VGLL4: variants seen among roughly 807,000 people sequenced by gnomAD.
VGLL4 encodes the protein transcription cofactor vestigial-like protein 4.
A neutral mutation model predicts 21.0 loss-of-function variants in VGLL4; 7 were observed. The ratio of observed to expected loss-of-function variants is 0.33; its 90% CI spans 0.19 to 0.63. VGLL4 has a LOEUF of 0.63. Among genes scored for constraint, VGLL4 ranks in the 20% least tolerant of loss-of-function variants. The pLI is 0.78. For synonymous variants in VGLL4, 222 were observed against 173.2 expected, an observed-to-expected ratio of 1.28 and a Z score of -2.21; for missense variants, 394 against 425.7, an observed-to-expected ratio of 0.93 and a Z score of 0.66.
intron 1 of VGLL4, among the ~76,000 whole-genome samples, chr3:11,614,472 G>A (rs1166152801): frequency 6.6e-6 from 1 of 152,242 alleles, no homozygotes; most frequent in Non-Finnish European, 1.5e-5. Context: ...CATACAGAGT[G>A]CTGAAGGAAG....
chr3:11,649,893 CTATTTGGTTT>C lies in VGLL4; in HGVS notation c.65-47881_65-47872del. Among the ~76,000 whole-genome samples the C allele has an allele frequency of 2.7e-5, 4 of 145,588 alleles. No individual in the cohort carries two copies. In the South Asian group the frequency reaches 9.3e-4, roughly 34 times the overall value. On this transcript the variant is annotated intron_variant, in intron 2 of 5. Transcript: ENST00000273038. ...AACTCCCCCACAGCACACAAGTGCT[CTATTTGGTTT>C]GGTTTGGTTTGGTTTGGTTTGGTTT...
intron 1 of VGLL4, among the ~76,000 whole-genome samples, chr3:11,639,845 T>C (rs9817018): frequency 0.12 from 17,616 of 151,728 alleles, 2,053 homozygotes; most frequent in African/African-American, 0.29. Context: ...CACTGCACTC[T>C]AGTCTGGGCG....
intron 2 of VGLL4, among the ~76,000 whole-genome samples, chr3:11,664,490 A>G (rs2076081736): frequency 6.6e-6 from 1 of 152,172 alleles, no homozygotes. Context: ...AGGGAATTGG[A>G]CCAAAAATTC....
At chr3:11,651,349 AG>A (rs1214324583) in intron 2 of VGLL4, among the ~76,000 whole-genome samples, 2 of 151,076 alleles carry the variant, frequency 1.3e-5, no homozygotes, top group Non-Finnish European at 2.9e-5. Context: ...AAAAAAAAAA[AG>A]AAAGAAAGAA....
intron 1 of VGLL4, among the ~76,000 whole-genome samples, chr3:11,713,640 AGT>A (rs2076881210): frequency 6.6e-6 from 1 of 150,682 alleles, no homozygotes; most frequent in African/African-American, 2.5e-5. Flanking sequence ...GCCAACCTCA[AGT>A]GTGAGCCCCA....
chr3:11,660,089 G>A (rs1465543642), intron 2 of VGLL4, among the ~76,000 whole-genome samples: 5 of 151,900 alleles, frequency 3.3e-5, no homozygotes, highest in Admixed American at 2.6e-4. Flanking sequence ...GTGAACCCGG[G>A]AGGCGGAGCT....
chr3:11,570,703 T>C (rs2073740164), intron 2 of VGLL4, among the ~76,000 whole-genome samples: 2 of 152,050 alleles, frequency 1.3e-5, no homozygotes, highest in African/African-American at 2.4e-5. Context: ...AAAAGCAAAA[T>C]TTAAGGAACA....
In VGLL4 at chr3:11,568,097, G is replaced by A. The variant is rs1045673822; in HGVS notation, c.273-3078C>T. Among the ~76,000 whole-genome samples, 13 of 152,240 alleles carry A rather than the reference G, an allele frequency of 8.5e-5. No individual in the cohort carries two copies. Among genetic ancestry groups the A allele is most frequent in the Admixed American group, 3.3e-4 (5 of 15,290 alleles). ...CTAGCAGGGACAGAAAGGCCCGGGA[G>A]GGGCTGCAGCTCCCAAGTGACAGCT... On this transcript the variant is annotated intron_variant, in intron 2 of 4. Transcript: ENST00000430365. The surrounding 1 kb of genome is among the most constrained non-coding windows in gnomAD (Gnocchi z 5.9).
chr3:11,573,273 AAGAAAGAAAG>A (rs2073871645), intron 2 of VGLL4, among the ~76,000 whole-genome samples: 1 of 22,200 alleles, frequency 4.5e-5, no homozygotes, highest in Admixed American at 4.4e-4. Context: ...GAAAGAAAGA[AAGAAAGAAAG>A]AAAGAAAGAA....
At chr3:11,674,130 G>T (rs896332419) in intron 2 of VGLL4, among the ~76,000 whole-genome samples, 2 of 151,924 alleles carry the variant, frequency 1.3e-5, no homozygotes, top group African/African-American at 4.8e-5. Context: ...ATCTACAACT[G>T]GGAATGCTAC....
In VGLL4 at chr3:11,559,405, G is replaced by T; in HGVS notation, c.546C>A (p.Asn182Lys). The change falls in exon 4 of 5, where the codon AAC (asparagine) becomes AAA (lysine). Residue 182 changes from asparagine to lysine, a missense_variant. Physicochemically the swap from Asn to Lys is moderately conservative, Grantham distance 94. Coordinates refer to ENST00000430365, the MANE Select transcript of VGLL4 (RefSeq NM_001128219.3). Reference sequence around the variant, plus strand: ...TGTGCGCGATGGGGCAGTGCGAGAGGTTGCAGTTGCGGGCGCCAGCCGAGG... The same window carrying T: ...TGTGCGCGATGGGGCAGTGCGAGAGTTTGCAGTTGCGGGCGCCAGCCGAGG... The part of the protein sequence containing the change: ...TCASAGARNC[N>K]LSHCPIAHSG... 1 of 1,562,898 alleles carries T rather than the reference G, an allele frequency of 6.4e-7. No homozygotes were observed. The highest frequency in any genetic ancestry group is 1.2e-5 in the South Asian group (1 of 84,948).
At chr3:11,652,008 T>C (rs2075878490) in intron 2 of VGLL4, among the ~76,000 whole-genome samples, 1 of 152,194 alleles carries the variant, frequency 6.6e-6, no homozygotes, top group Admixed American at 6.5e-5. Flanking sequence ...CAACTTCTAT[T>C]AAGTAGCGAC....
At chr3:11,650,736 C>G (rs1169685185) in intron 2 of VGLL4, among the ~76,000 whole-genome samples, 1 of 151,740 alleles carries the variant, frequency 6.6e-6, no homozygotes, top group Non-Finnish European at 1.5e-5. Context: ...CACACACACA[C>G]ACACACACAG....
intron 2 of VGLL4, among the ~76,000 whole-genome samples, chr3:11,679,076 T>G (rs759295922): frequency 7.2e-5 from 11 of 152,232 alleles, no homozygotes; most frequent in Non-Finnish European, 1.5e-4. Flanking sequence ...GTTATTGGTT[T>G]ATGTATTTAC....
At position 11,565,031 on chromosome 3, in the gene VGLL4, G is replaced by A. The variant is rs1208772434; in HGVS notation, c.273-12C>T. ...TGGCAGTCTTGTTCCTGAAAAAGAG[G>A]AATGGGCATTCAGGGGGCGTTTTCT... is the stretch of plus-strand genomic sequence containing the variant. On this transcript the variant is annotated splice_polypyrimidine_tract_variant and intron_variant, in intron 2 of 4. Transcript: ENST00000430365. This position sits in a 1 kb window ranked among gnomAD's most constrained non-coding sequence, Gnocchi z 4.1. The A allele has an allele frequency of 5.4e-6, 8 of 1,472,010 alleles. No homozygotes were observed. Among genetic ancestry groups the A allele is most frequent in the South Asian group, 4.4e-5 (3 of 68,326 alleles). The allele number at this position is 1,472,010 out of a possible 1,614,324, so 91.2% of individuals were successfully genotyped here. A position where few individuals can be genotyped will look rare whatever the true frequency, so the allele number is the denominator to read the frequency against.
chr3:11,692,382 G>T (rs1393572198), intron 2 of VGLL4, among the ~76,000 whole-genome samples: 1 of 152,216 alleles, frequency 6.6e-6, no homozygotes, highest in African/African-American at 2.4e-5. Flanking sequence ...CCCACTTAGA[G>T]AATGGCTTAA....
At chr3:11,614,336 T>C (rs2075119925) in intron 1 of VGLL4, among the ~76,000 whole-genome samples, 5 of 152,202 alleles carry the variant, frequency 3.3e-5, no homozygotes, top group Admixed American at 3.3e-4. Context: ...CAAAAACTAC[T>C]CATTTCTCAG....
At chr3:11,598,888 C>G (rs1326550148) in intron 2 of VGLL4, among the ~76,000 whole-genome samples, 1 of 152,182 alleles carries the variant, frequency 6.6e-6, no homozygotes, top group Admixed American at 6.5e-5. Flanking sequence ...TTAACAAACT[C>G]TAAGAAGATA....
chr3:11,560,952 A>G (rs1399930824), intron 3 of VGLL4, among the ~76,000 whole-genome samples: 2 of 152,094 alleles, frequency 1.3e-5, no homozygotes, highest in Non-Finnish European at 2.9e-5. Flanking sequence ...TGAGGCCTGG[A>G]GCAGATCTCA....
Sources: allele counts gnomAD v4.1 joint callset (sites outside exome capture counted in the v4.1 genomes callset), GRCh38; gene constraint gnomAD v4.1.1; non-coding constraint Gnocchi (gnomAD v3.1); transcripts MANE v1.5; gene names NCBI Gene and HGNC (gene_info 2026-07-23, HGNC 2026-07-21).